The following TBC1D5 variants were observed in gnomAD, a reference collection of about 807,000 sequenced individuals.
The protein encoded by TBC1D5 is TBC1 domain family member 5, also known as TBC1 domain family, member 5.
A neutral mutation model predicts 100.3 loss-of-function variants in TBC1D5; 75 were observed. That is an observed-to-expected ratio of 0.75 (90% CI 0.62 to 0.91). The LOEUF is 0.91. TBC1D5 is among the 40% of genes least tolerant of loss of function. The pLI is 0.00. For synonymous variants in TBC1D5, 323 were observed against 325.6 expected, an observed-to-expected ratio of 0.99 and a Z score of 0.09; for missense variants, 910 against 942.4, an observed-to-expected ratio of 0.97 and a Z score of 0.45.
At chr3:17,452,052 T>C (rs1262971355) in intron 3 of TBC1D5, among the ~76,000 whole-genome samples, 1 of 152,224 alleles carries the variant, frequency 6.6e-6, no homozygotes, top group African/African-American at 2.4e-5. Flanking sequence ...TTTTTTTTAA[T>C]TGCGTGTTTG....
intron 14 of TBC1D5, among the ~76,000 whole-genome samples, chr3:17,296,076 G>T (rs75814116): frequency 0.015 from 2,252 of 152,130 alleles, 28 homozygotes; most frequent in Non-Finnish European, 0.024. Context: ...AGGGGTATCG[G>T]TACAAACTGA....
At chr3:17,516,741 C>T (rs1447655517) in intron 2 of TBC1D5, among the ~76,000 whole-genome samples, 4 of 152,134 alleles carry the variant, frequency 2.6e-5, no homozygotes, top group Non-Finnish European at 1.5e-5. Flanking sequence ...AAACAGACAA[C>T]ACAATTATAA....
chr3:17,521,642 C>T (rs749743258), intron 2 of TBC1D5, among the ~76,000 whole-genome samples: 68 of 151,682 alleles, frequency 4.5e-4, no homozygotes, highest in Non-Finnish European at 3.2e-4. Flanking sequence ...CAGTGAAGAA[C>T]GTAAGTGCAT....
At chr3:17,556,011 G>C (rs1293833599) in intron 2 of TBC1D5, among the ~76,000 whole-genome samples, 1 of 152,020 alleles carries the variant, frequency 6.6e-6, no homozygotes, top group Non-Finnish European at 1.5e-5. Context: ...CACTGAAATT[G>C]CTGATATTTA....
intron 19 of TBC1D5, among the ~76,000 whole-genome samples, chr3:17,172,904 C>T (rs564344862): frequency 3.1e-4 from 47 of 152,214 alleles, no homozygotes; most frequent in Non-Finnish European, 5.3e-4. Context: ...GGGACAAAAG[C>T]AGAACATCTG....
intron 1 of TBC1D5, among the ~76,000 whole-genome samples, chr3:17,714,505 C>T (rs182768917): frequency 1.3e-5 from 2 of 152,296 alleles, no homozygotes; most frequent in East Asian, 1.9e-4. Flanking sequence ...AGCCAATCCA[C>T]GAAGACTGGG....
chr3:17,559,735 G>A (rs1462638135), intron 2 of TBC1D5, among the ~76,000 whole-genome samples: 5 of 151,648 alleles, frequency 3.3e-5, no homozygotes, highest in African/African-American at 7.3e-5. Context: ...GATTACAGGC[G>A]CCCACGACCA....
At chr3:17,571,562 A>G (rs917585389) in intron 2 of TBC1D5, among the ~76,000 whole-genome samples, 1 of 151,780 alleles carries the variant, frequency 6.6e-6, no homozygotes, top group East Asian at 1.9e-4. Flanking sequence ...CTTTCTTATC[A>G]ATCTTAGACT....
intron 3 of TBC1D5, among the ~76,000 whole-genome samples, chr3:17,485,041 A>G (rs1399354558): frequency 1.3e-5 from 2 of 152,184 alleles, no homozygotes; most frequent in African/African-American, 4.8e-5. Flanking sequence ...ATTAGAGAAT[A>G]TAAAATCAGC....
chr3:17,343,556 T>G lies in TBC1D5; in HGVS notation c.995+28519A>C, dbSNP rs1006367310. 9.7e-3 allele frequency among the ~76,000 whole-genome samples: 1,418 copies of G among 146,286 alleles called. 27 individuals carry two copies. Among genetic ancestry groups the G allele is most frequent in the African/African-American group, 0.033 (1,324 of 39,566 alleles). ...CAGAAGGAATGGTACCAGTTCCTCC[T>G]TGTACCTCTGGTAGAATTCGGCTGT... On this transcript the variant is annotated intron_variant, in intron 13 of 21. Transcript: ENST00000253692.
chr3:17,419,437 A>T (rs1239326584), intron 4 of TBC1D5, among the ~76,000 whole-genome samples: 2 of 152,076 alleles, frequency 1.3e-5, no homozygotes, highest in Admixed American at 6.6e-5. Flanking sequence ...CCCCTAATAA[A>T]CTCAATATCT....
chr3:17,686,715 T>C (rs907108419), intron 1 of TBC1D5, among the ~76,000 whole-genome samples: 23 of 152,276 alleles, frequency 1.5e-4, no homozygotes, highest in African/African-American at 5.5e-4. Context: ...CTAAAACACC[T>C]ATATTGTTAA....
chr3:17,281,408 C>T (rs572241582), intron 15 of TBC1D5, among the ~76,000 whole-genome samples: 1 of 152,292 alleles, frequency 6.6e-6, no homozygotes, highest in Admixed American at 6.5e-5. Flanking sequence ...CATATGAGGA[C>T]CATACTCATG....
intron 2 of TBC1D5, among the ~76,000 whole-genome samples, chr3:17,551,079 T>C (rs1459351528): frequency 6.6e-6 from 1 of 152,160 alleles, no homozygotes; most frequent in African/African-American, 2.4e-5. Flanking sequence ...TGTGTGTGTA[T>C]TTAAGTGCAT....
intron 1 of TBC1D5, among the ~76,000 whole-genome samples, chr3:17,692,055 T>C (rs1014870163): frequency 1.3e-5 from 2 of 152,128 alleles, no homozygotes; most frequent in African/African-American, 2.4e-5. Context: ...ATAATATCTA[T>C]ATAAAACATA....
At chr3:17,704,272 G>T (rs1477888231) in intron 1 of TBC1D5, among the ~76,000 whole-genome samples, 1 of 144,830 alleles carries the variant, frequency 6.9e-6, no homozygotes, top group African/African-American at 2.5e-5. Flanking sequence ...CCAAGGCAGA[G>T]GAATTTTTCT....
rs114485559 is a variant in TBC1D5, at chr3:17,169,846, C to T, written c.1853-2018G>A. Reference sequence around the variant, plus strand: ...TCATGGAAGACAATTTTTCCACAAACGGTGGGGGAAATGGTTTCGCGATGA... The same window carrying T: ...TCATGGAAGACAATTTTTCCACAAATGGTGGGGGAAATGGTTTCGCGATGA... On this transcript the variant is annotated intron_variant, in intron 19 of 21. Transcript: ENST00000253692. 1.6e-3 allele frequency among the ~76,000 whole-genome samples: 244 copies of T among 152,294 alleles called. 1 individual carries two copies. Among genetic ancestry groups the T allele is most frequent in the Non-Finnish European group, 2.6e-3 (176 of 68,028 alleles).
chr3:17,562,139 AT>A (rs2096563157), intron 2 of TBC1D5: 1 of 152,058 alleles, frequency 6.6e-6, no homozygotes, highest in African/African-American at 2.4e-5. Flanking sequence ...GTGAGACCCC[AT>A]CTCTAAAAAA....
chr3:17,420,157 A>T (rs2094174397), intron 4 of TBC1D5, among the ~76,000 whole-genome samples: 1 of 152,152 alleles, frequency 6.6e-6, no homozygotes. Flanking sequence ...CTATAATGGA[A>T]GTATAACAAA....
Sources: allele counts gnomAD v4.1 joint callset (sites outside exome capture counted in the v4.1 genomes callset), GRCh38; gene constraint gnomAD v4.1.1; transcripts MANE v1.5; gene names NCBI Gene and HGNC (gene_info 2026-07-23, HGNC 2026-07-21).